CDH15: variants seen among roughly 807,000 people sequenced by gnomAD.
CDH15 encodes the protein cadherin 15.
In CDH15, 73 loss-of-function variants were observed where a neutral mutation model predicts 69.4. The ratio of observed to expected loss-of-function variants is 1.05; its 90% CI spans 0.87 to 1.28. CDH15 has a LOEUF of 1.28. Ranked by LOEUF, CDH15 falls within the 50% of genes most tolerant of loss-of-function variation. The probability of loss-of-function intolerance (pLI) is 0.00; values close to 1 mark genes in which losing one functional copy is unlikely to be tolerated. For synonymous variants in CDH15, 624 were observed against 507.7 expected (o/e 1.23, Z -3.08); for missense variants, 1,343 against 1,133.6 (o/e 1.18, Z -2.65).
At chr16:89,174,246 C>G (rs1053779523) in intron 1 of CDH15, among the ~76,000 whole-genome samples, 1 of 152,236 alleles carries the variant, frequency 6.6e-6, no homozygotes, top group Admixed American at 6.5e-5. Flanking sequence ...CAGCTGGGGC[C>G]ATTCCTGGCA....
At position 89,180,253 on chromosome 16, in the gene CDH15, C is replaced by T. The variant is rs144216511; in HGVS notation, c.255C>T (p.Pro85=). 2.4e-4 allele frequency: 391 copies of T among 1,609,704 alleles called. 6 individuals are homozygous for T. The South Asian group carries it at 3.7e-3, about 15-fold the overall frequency. Residue 85 remains proline (P), a synonymous_variant, in exon 3 of 14, where the codon CCC becomes CCT. Coordinates refer to ENST00000289746, the MANE Select transcript of CDH15 (RefSeq NM_004933.3). ...LGSVIYSIQG[P]GVDEEPRGVF... ...GCGTCATCTACAGCATCCAGGGACC[C>T]GGCGTGGATGAGGAGCCCCGGGGCG...
Position 89,195,163 on chromosome 16 carries a change from G to A in CDH15, c.*8G>A. The A allele has an allele frequency of 6.3e-7, 1 of 1,574,900 alleles. No homozygotes were observed. The highest frequency in any genetic ancestry group is 8.6e-7 in the Non-Finnish European group (1 of 1,161,638). On this transcript the variant is annotated 3_prime_UTR_variant, in exon 14 of 14. Transcript: ENST00000289746. ...AGAGGCCGGACAGCCTGACCCTGGG[G>A]CGCAACTGGACATGCCACTCCCCGG...
rs775705281 is a variant in CDH15, at chr16:89,179,418, C to G, written c.45C>G (p.Ser15Arg). The G allele has an allele frequency of 6.2e-6, 10 of 1,613,494 alleles. No homozygotes were observed. The highest frequency in any genetic ancestry group is 2.2e-5 in the East Asian group (1 of 44,892). The part of the protein sequence containing the change: ...FLLVLGLLAQ[S>R]LCLSLGVPGW... Reference sequence around the variant, plus strand: ...GGACGCATCTGTCTTTGTTGCAGAGCCTCTGCCTGTCTTTGGGGGTTCCTG... The same window carrying G: ...GGACGCATCTGTCTTTGTTGCAGAGGCTCTGCCTGTCTTTGGGGGTTCCTG... Residue 15 changes from serine to arginine, a missense_variant and splice_region_variant, in exon 2 of 14, where the codon AGC (serine) becomes AGG (arginine). Transcript: ENST00000289746.
rs756201732 is a variant in CDH15, at chr16:89,180,390, A to G, written c.357+35A>G. The G allele has an allele frequency of 3.7e-6, 6 of 1,601,848 alleles. No individual in the cohort carries two copies. The African/African-American group carries it at 8.0e-5, about 21-fold the overall frequency. On this transcript the variant is annotated intron_variant, in intron 3 of 13. Transcript: ENST00000289746. Reference sequence around the variant, plus strand: ...TGCGTGGTCGGACCTGTGCCCCTCAAGCAGGCCTGGTGGAAAGCCAGTGCC... The same window carrying G: ...TGCGTGGTCGGACCTGTGCCCCTCAGGCAGGCCTGGTGGAAAGCCAGTGCC...
intron 4 of CDH15, 102 bp downstream of exon 4, chr16:89,183,794 C>G: frequency 7.9e-7 from 1 of 1,260,756 alleles, no homozygotes; most frequent in Non-Finnish European, 1.1e-6. Flanking sequence ...CCCTCAGAGT[C>G]TAAAAATAAG....
At chr16:89,180,944 C>T (rs377614112) in intron 3 of CDH15, among the ~76,000 whole-genome samples, 12 of 143,724 alleles carry the variant, frequency 8.3e-5, no homozygotes, top group South Asian at 6.7e-4. Context: ...AGGATGGTCT[C>T]GATCTCCTGA....
chr16:89,195,017 G>A lies in CDH15; in HGVS notation c.2307G>A (p.Trp769Ter), dbSNP rs745672883. 2 of 1,612,168 alleles carry A rather than the reference G, an allele frequency of 1.2e-6. No homozygotes were observed. The highest frequency in any genetic ancestry group is 2.7e-5 in the African/African-American group (2 of 74,916). Residue 769 changes from tryptophan to a stop codon, truncating the protein, a stop_gained, in exon 14 of 14, where the codon TGG (tryptophan) becomes TGA (stop). Transcript: ENST00000289746. LOFTEE classifies it low-confidence loss of function (END_TRUNC). Reference sequence around the variant, plus strand: ...AGGACTACGACTACCTCAGAGACTGGGGGCCCCGCTTCGCCCGGCTGGCAG... The same window carrying A: ...AGGACTACGACTACCTCAGAGACTGAGGGCCCCGCTTCGCCCGGCTGGCAG... ...EDQDYDYLRD[W>*]GPRFARLADM...
At chr16:89,175,709 G>T (rs1007414899) in intron 1 of CDH15, among the ~76,000 whole-genome samples, 1 of 152,238 alleles carries the variant, frequency 6.6e-6, no homozygotes. Flanking sequence ...CTTGTGCTCT[G>T]TGGGTGCTGG....
rs1037406928 is a variant in CDH15, at chr16:89,185,213, C to T, written c.543C>T (p.Asp181=). The T allele has an allele frequency of 6.2e-7, 1 of 1,605,382 alleles. No individual in the cohort carries two copies. The highest frequency in any genetic ancestry group is 8.5e-7 in the Non-Finnish European group (1 of 1,176,638). ...GGGCAGAGGCCACAGATGCCGACGA[C>T]CCCGAGACGGACAACGCAGCGCTGC... ...VTRAEATDAD[D]PETDNAALRF... Residue 181 remains aspartate, a synonymous_variant, in exon 5 of 14, where the codon GAC becomes GAT. Coordinates refer to ENST00000289746, the MANE Select transcript of CDH15 (RefSeq NM_004933.3).
chr16:89,194,019 C>A, intron 13 of CDH15, 106 bp downstream of exon 13: 1 of 1,260,754 alleles, frequency 7.9e-7, no homozygotes, highest in Non-Finnish European at 1.1e-6. Context: ...CGCCTGCATG[C>A]ACTTATGGGC....
In CDH15 at chr16:89,187,608, C is replaced by G. The variant is rs776127414; in HGVS notation, c.792+51C>G. The G allele has an allele frequency of 3.7e-6, 6 of 1,609,840 alleles. No individual in the cohort carries two copies. The East Asian group carries it at 1.1e-4, about 30-fold the overall frequency. On this transcript the variant is annotated intron_variant, in intron 6 of 13. Coordinates refer to ENST00000289746, the MANE Select transcript of CDH15 (RefSeq NM_004933.3). ...AGTAGCCCCTGCTTAGAGCTGCCTT[C>G]CCTTCTTGGGCTCCTGCAGAAGGCA...
chr16:89,190,607 C>T (rs1366388150), intron 8 of CDH15, 111 bp downstream of exon 8: 2 of 1,355,478 alleles, frequency 1.5e-6, no homozygotes, highest in East Asian at 5.0e-5. Flanking sequence ...GGGCCATTTG[C>T]TGTGTGGGTT....
rs540619908 is a variant in CDH15, at chr16:89,192,359, G to A, written c.1770G>A (p.Pro590=). 4 of 1,536,102 alleles carry A rather than the reference G, an allele frequency of 2.6e-6. No homozygotes were observed. Among genetic ancestry groups the A allele is most frequent in the East Asian group, 4.9e-5 (2 of 41,134 alleles). The part of the protein sequence containing the change: ...CRCGKDGVCL[P]GAAALLAGGT... ...GCGGCAAGGACGGCGTCTGCCTGCCGGGGGCCGCAGCGCTGCTGGCGGGGG... is the reference window on the plus strand; with the variant it reads ...GCGGCAAGGACGGCGTCTGCCTGCCAGGGGCCGCAGCGCTGCTGGCGGGGG... The change falls in exon 11 of 14, where the codon CCG becomes CCA. Residue 590 remains proline (P), a synonymous_variant. Transcript: ENST00000289746.
chr16:89,185,239 G>A lies in CDH15; in HGVS notation c.569G>A (p.Arg190Gln), dbSNP rs765075305. The A allele has an allele frequency of 6.2e-6, 10 of 1,605,550 alleles. No homozygotes were observed. The East Asian group carries it at 1.1e-4, about 18-fold the overall frequency. Residue 190 changes from arginine to glutamine, a missense_variant, in exon 5 of 14, where the codon CGG (arginine) becomes CAG (glutamine). Physicochemically the swap from Arg to Gln is conservative, Grantham distance 43. Coordinates refer to ENST00000289746, the MANE Select transcript of CDH15 (RefSeq NM_004933.3). Reference protein sequence around the residue: ...DDPETDNAALRFSILQQGSPE... With the variant: ...DDPETDNAALQFSILQQGSPE... ...CCCGAGACGGACAACGCAGCGCTGC[G>A]GTTCTCCATCCTGCAGCAGGGCAGC...
intron 7 of CDH15, 151 bp from the exon 8 acceptor site, chr16:89,190,092 C>A: frequency 1.2e-6 from 1 of 818,762 alleles, no homozygotes; most frequent in Non-Finnish European, 2.0e-6. Flanking sequence ...GCCTTCTTGT[C>A]CTGCATAATT....
intron 5 of CDH15, chr16:89,186,340 G>T (rs76953799): frequency 0.049 from 4,030 of 82,630 alleles, 177 homozygotes; most frequent in Non-Finnish European, 0.067. Context: ...GCTCTGTAAA[G>T]GCTCACCCAG....
intron 2 of CDH15, among the ~76,000 whole-genome samples, chr16:89,179,805 C>A (rs1915335457): frequency 6.6e-6 from 1 of 152,256 alleles, no homozygotes; most frequent in South Asian, 2.1e-4. Context: ...GCTCCCACCC[C>A]ACATGCGCCT....
chr16:89,193,194 C>A (rs10438586), intron 11 of CDH15, among the ~76,000 whole-genome samples: 1 of 121,558 alleles, frequency 8.2e-6, no homozygotes, highest in African/African-American at 3.4e-5. Flanking sequence ...CCCGCCCCCT[C>A]GTTGCCAGCC....
rs775859734 is a variant in CDH15, at chr16:89,183,685, A to G, written c.495A>G (p.Ala165=). 8 of 1,602,126 alleles carry G rather than the reference A, an allele frequency of 5.0e-6. No homozygotes were observed. The highest frequency in any genetic ancestry group is 3.4e-5 in the South Asian group (3 of 89,330). ...EAFTGRVLEG[A]VPGTYVTRAE... is the part of the protein sequence containing the mutation. ...TCACTGGCCGCGTGCTGGAGGGTGCAGTCCCAGGTGAGACAGGACCACAGC... is the reference window on the plus strand; with the variant it reads ...TCACTGGCCGCGTGCTGGAGGGTGCGGTCCCAGGTGAGACAGGACCACAGC... Residue 165 remains alanine (A), a synonymous_variant, in exon 4 of 14, where the codon GCA becomes GCG. Coordinates refer to ENST00000289746, the MANE Select transcript of CDH15 (RefSeq NM_004933.3).
Sources: gnomAD v4.1 joint callset for allele counts (sites outside exome capture counted in the v4.1 genomes callset) on GRCh38, gnomAD v4.1.1 for gene constraint, MANE v1.5 for transcripts, NCBI Gene and HGNC (gene_info 2026-07-23, HGNC 2026-07-21) for gene names.